The following NSMCE2 variants were observed in gnomAD, a reference collection of about 807,000 sequenced individuals.
The protein encoded by NSMCE2 is E3 SUMO-protein ligase NSE2.
NSMCE2 carries 24 observed loss-of-function variants against 23.8 expected under a neutral mutation model. The observed-to-expected ratio is 1.01, with a 90% confidence interval of 0.73 to 1.42. The LOEUF is 1.42. NSMCE2 is among the 40% of genes most tolerant of loss of function. The pLI, the probability that NSMCE2 is intolerant of heterozygous loss-of-function variation, is 0.00. For missense variants in NSMCE2, 284 were observed against 296.5 expected, an observed-to-expected ratio of 0.96 and a Z score of 0.31; for synonymous variants, 92 against 94.1, an observed-to-expected ratio of 0.98 and a Z score of 0.13.
At chr8:125,321,763 A>G (rs1253864241) in intron 5 of NSMCE2, among the ~76,000 whole-genome samples, 1 of 152,240 alleles carries the variant, frequency 6.6e-6, no homozygotes, top group African/African-American at 2.4e-5. Flanking sequence ...ATAATTCACC[A>G]TATTAACAGA....
At chr8:125,208,179 C>A (rs1824189622) in intron 5 of NSMCE2, among the ~76,000 whole-genome samples, 1 of 152,110 alleles carries the variant, frequency 6.6e-6, no homozygotes. Context: ...ATTACCCCTG[C>A]AAAACAAGGA....
chr8:125,100,933 A>G (rs555529259), intron 1 of NSMCE2, among the ~76,000 whole-genome samples: 4 of 152,318 alleles, frequency 2.6e-5, no homozygotes, highest in Non-Finnish European at 4.4e-5. Context: ...AGAATAACAA[A>G]ATAATTCTTT....
intron 4 of NSMCE2, among the ~76,000 whole-genome samples, chr8:125,180,405 T>C (rs1306836171): frequency 6.6e-6 from 1 of 152,248 alleles, no homozygotes; most frequent in African/African-American, 2.4e-5. Context: ...CACTAAAATA[T>C]AAATTTTACA....
intron 5 of NSMCE2, among the ~76,000 whole-genome samples, chr8:125,238,601 C>G (rs77146565): frequency 6.6e-6 from 1 of 152,154 alleles, no homozygotes; most frequent in African/African-American, 2.4e-5. Context: ...GTTCCTCCCC[C>G]TTTCCCACCA....
At chr8:125,203,298 GT>G (rs1292619372) in intron 5 of NSMCE2, among the ~76,000 whole-genome samples, 3 of 151,690 alleles carry the variant, frequency 2.0e-5, no homozygotes, top group Non-Finnish European at 4.4e-5. Flanking sequence ...CTGTCAACCT[GT>G]TTGCCAGATT....
chr8:125,135,990 C>G (rs1820049350), intron 3 of NSMCE2, among the ~76,000 whole-genome samples: 1 of 151,938 alleles, frequency 6.6e-6, no homozygotes, highest in Admixed American at 6.6e-5. Flanking sequence ...CCTGGAGGCT[C>G]TCTCAGGATA....
intron 4 of NSMCE2, among the ~76,000 whole-genome samples, chr8:125,159,053 G>A (rs1821465451): frequency 6.6e-6 from 1 of 152,192 alleles, no homozygotes. Context: ...ATTCTGAGTT[G>A]TGTGATGAAA....
chr8:125,274,251 A>G (rs556394192), intron 5 of NSMCE2, among the ~76,000 whole-genome samples: 2 of 152,162 alleles, frequency 1.3e-5, no homozygotes, highest in African/African-American at 4.8e-5. Flanking sequence ...AGAAAATGAA[A>G]CAAAAAAAAA....
intron 5 of NSMCE2, among the ~76,000 whole-genome samples, chr8:125,200,719 T>G (rs190773399): frequency 4.6e-5 from 7 of 152,318 alleles, no homozygotes; most frequent in Admixed American, 4.6e-4. Flanking sequence ...AATGTTGGCC[T>G]GCCTAGCTAC....
At chr8:125,162,753 T>C (rs1371185206) in intron 4 of NSMCE2, among the ~76,000 whole-genome samples, 1 of 152,208 alleles carries the variant, frequency 6.6e-6, no homozygotes, top group Non-Finnish European at 1.5e-5. Context: ...CTGATTTAAA[T>C]TGGTGAACTC....
rs531326975 is a variant in NSMCE2 at position 125,173,680 on chromosome 8, A to G, written c.265-8423A>G. ...GGACAGGAAAGGCAGTTTCATATTC[A>G]GAATATGTGTCTTTTCATATGAAGA... On this transcript the variant is annotated intron_variant, in intron 4 of 7. Transcript: ENST00000287437. 6.6e-5 allele frequency among the ~76,000 whole-genome samples: 10 copies of G among 152,310 alleles called. No individual in the cohort carries two copies. In the South Asian group the frequency reaches 2.1e-3, roughly 32 times the overall value.
At chr8:125,290,201 C>T (rs544251325) in intron 5 of NSMCE2, among the ~76,000 whole-genome samples, 57 of 151,364 alleles carry the variant, frequency 3.8e-4, no homozygotes, top group African/African-American at 1.2e-3. Context: ...TCTTATGCTA[C>T]GAAAATGAAT....
At chr8:125,237,248 TA>T (rs1825594274) in intron 5 of NSMCE2, among the ~76,000 whole-genome samples, 1 of 152,172 alleles carries the variant, frequency 6.6e-6, no homozygotes. Context: ...AGAGGCAACA[TA>T]ATCTTAAGAG....
At chr8:125,213,707 C>CCTTCCTTCCTTCCTTATTT (rs1554620878) in intron 5 of NSMCE2, among the ~76,000 whole-genome samples, 76 of 123,426 alleles carry the variant, frequency 6.2e-4, no homozygotes, top group Admixed American at 2.9e-3. Context: ...TTCCCTCCCT[C>CCTTCCTTCCTTCCTTATTT]CCTTCCTTCC....
chr8:125,129,544 CTGTGTGTGTGTGTGTGTGTG>C (rs10578122), intron 3 of NSMCE2, among the ~76,000 whole-genome samples: 2 of 145,358 alleles, frequency 1.4e-5, no homozygotes, highest in African/African-American at 5.1e-5. Context: ...AGATTTGGCT[CTGTGTGTGTGTGTGTGTGTG>C]TGTGTGTGTG....
At chr8:125,283,434 G>A (rs990662311) in intron 5 of NSMCE2, among the ~76,000 whole-genome samples, 11 of 152,162 alleles carry the variant, frequency 7.2e-5, no homozygotes, top group Non-Finnish European at 1.6e-4. Flanking sequence ...AGCTACTTGG[G>A]AGGCTGAGGT....
chr8:125,288,562 C>G (rs144112001), intron 5 of NSMCE2, among the ~76,000 whole-genome samples: 1 of 152,100 alleles, frequency 6.6e-6, no homozygotes, highest in African/African-American at 2.4e-5. Flanking sequence ...GTCCTTTTTC[C>G]TGGCAAATCT....
intron 3 of NSMCE2, among the ~76,000 whole-genome samples, chr8:125,137,686 C>G (rs890262485): frequency 1.3e-5 from 2 of 152,108 alleles, no homozygotes; most frequent in Non-Finnish European, 2.9e-5. Context: ...AATGTTTATG[C>G]CCAAAGGGTG....
At chr8:125,280,147 A>T (rs1229318415) in intron 5 of NSMCE2, among the ~76,000 whole-genome samples, 1 of 152,186 alleles carries the variant, frequency 6.6e-6, no homozygotes, top group East Asian at 1.9e-4. Context: ...GGAAAAGATG[A>T]TTTTTTAAAG....
Sources: allele counts gnomAD v4.1 joint callset (sites outside exome capture counted in the v4.1 genomes callset), GRCh38; gene constraint gnomAD v4.1.1; transcripts MANE v1.5; gene names NCBI Gene and HGNC (gene_info 2026-07-23, HGNC 2026-07-21).